CPEB1: variants seen among roughly 807,000 people sequenced by gnomAD.
The protein encoded by CPEB1 is cytoplasmic polyadenylation element binding protein 1, also known as cytoplasmic polyadenylation element-binding protein 1.
CPEB1 carries 7 observed loss-of-function variants against 65.8 expected under a neutral mutation model. The ratio of observed to expected loss-of-function variants is 0.11; its 90% confidence interval spans 0.06 to 0.20. The LOEUF is 0.20. Ranked by LOEUF, CPEB1 falls within the 10% of genes least tolerant of loss-of-function variation. CPEB1 has a pLI of 1.00. For synonymous variants in CPEB1, 262 were observed against 260.0 expected (o/e 1.01, Z -0.08); for missense variants, 551 against 712.2 (o/e 0.77, Z 2.58).
intron 3 of CPEB1, among the ~76,000 whole-genome samples, chr15:82,589,361 T>C (rs1027582342): frequency 1.3e-5 from 2 of 152,224 alleles, no homozygotes; most frequent in Non-Finnish European, 2.9e-5. Context: ...CAATTGTATG[T>C]GGGGCGGCAA....
intron 4 of CPEB1, among the ~76,000 whole-genome samples, chr15:82,564,274 T>A (rs2038742399): frequency 6.8e-6 from 1 of 148,134 alleles, no homozygotes; most frequent in Admixed American, 6.7e-5. Flanking sequence ...ACACAATGGT[T>A]TTTTTTGTTT....
chr15:82,615,696 A>T (rs1164182759), intron 3 of CPEB1, among the ~76,000 whole-genome samples: 1 of 152,204 alleles, frequency 6.6e-6, no homozygotes, highest in Non-Finnish European at 1.5e-5. Flanking sequence ...GAAGTATGAC[A>T]ACATCTAGAG....
chr15:82,581,677 A>T (rs1323301001), intron 3 of CPEB1, among the ~76,000 whole-genome samples: 1 of 152,104 alleles, frequency 6.6e-6, no homozygotes, highest in Non-Finnish European at 1.5e-5. Context: ...CATTTTTTTT[A>T]AAAATTAGGT....
intron 3 of CPEB1, among the ~76,000 whole-genome samples, chr15:82,593,227 A>T (rs1298451718): frequency 6.6e-6 from 1 of 152,164 alleles, no homozygotes; most frequent in Non-Finnish European, 1.5e-5. Flanking sequence ...GTTTGATAAC[A>T]TTTTACCTAC....
chr15:82,547,457 C>G (rs577671702), intron 10 of CPEB1, among the ~76,000 whole-genome samples: 93 of 150,804 alleles, frequency 6.2e-4, no homozygotes, highest in African/African-American at 2.2e-3. Flanking sequence ...CCACCACACC[C>G]AGCTAATTTT....
chr15:82,571,883 C>A, intron 3 of CPEB1: 1 of 1,046,978 alleles, frequency 9.6e-7, no homozygotes. Flanking sequence ...CAGGAGGGGA[C>A]GACAGGGAGG....
intron 4 of CPEB1, among the ~76,000 whole-genome samples, chr15:82,565,270 GGAAAGCAGCAAAGACAATGGAAA>G (rs2038935715): frequency 6.6e-6 from 1 of 152,134 alleles, no homozygotes; most frequent in South Asian, 2.1e-4. Context: ...ATCAAAGGAA[GGAAAGCAGCAAAGACAATGGAAA>G]GAAAGCAGCA....
intron 12 of CPEB1, among the ~76,000 whole-genome samples, chr15:82,545,285 G>A (rs1337191915): frequency 1.3e-5 from 2 of 152,138 alleles, no homozygotes; most frequent in Admixed American, 6.5e-5. Context: ...GAGATACTTG[G>A]TCTCAGGCTT....
chr15:82,620,910 T>C (rs1287911584), intron 3 of CPEB1, among the ~76,000 whole-genome samples: 1 of 152,224 alleles, frequency 6.6e-6, no homozygotes, highest in Non-Finnish European at 1.5e-5. Context: ...TGTGACTAGT[T>C]ATACAAGATG....
At chr15:82,599,969 A>C (rs1237613698) in intron 3 of CPEB1, among the ~76,000 whole-genome samples, 1 of 152,222 alleles carries the variant, frequency 6.6e-6, no homozygotes, top group Non-Finnish European at 1.5e-5. Context: ...AAGTAGAATA[A>C]ATATTTAATT....
chr15:82,571,985 C>G (rs1340363751), intron 3 of CPEB1: 1 of 386,938 alleles, frequency 2.6e-6, no homozygotes, highest in East Asian at 1.6e-4. Context: ...CAGCGCCCTC[C>G]GGTCTCCAGC....
At chr15:82,580,798 C>T (rs928697542) in intron 3 of CPEB1, among the ~76,000 whole-genome samples, 1 of 151,316 alleles carries the variant, frequency 6.6e-6, no homozygotes, top group East Asian at 1.9e-4. Context: ...GCTTATTTTA[C>T]TTAGCATAAT....
chr15:82,628,117 G>GA (rs2045926450), intron 2 of CPEB1: 1 of 679,494 alleles, frequency 1.5e-6, no homozygotes, highest in Non-Finnish European at 2.6e-6. Context: ...AGAAGGTCAT[G>GA]AAAGTCTAGA....
At chr15:82,611,312 A>C (rs2044131412) in intron 3 of CPEB1, among the ~76,000 whole-genome samples, 1 of 151,988 alleles carries the variant, frequency 6.6e-6, no homozygotes, top group African/African-American at 2.4e-5. Flanking sequence ...TGAAAATAAA[A>C]TTAACAGTTT....
chr15:82,614,479 C>T (rs1423606425), intron 3 of CPEB1, among the ~76,000 whole-genome samples: 1 of 152,140 alleles, frequency 6.6e-6, no homozygotes, highest in Non-Finnish European at 1.5e-5. Flanking sequence ...TAAGTAATCA[C>T]TAAAAATTAC....
rs192730427 is a variant in CPEB1 at position 82,629,448 on chromosome 15, C to A, written c.-97-892G>T. 8 of 969,646 alleles carry A rather than the reference C, an allele frequency of 8.3e-6. No homozygotes were observed. The African/African-American group carries it at 1.4e-4, about 17-fold the overall frequency. 60.1% of individuals were successfully genotyped at this position (969,646 alleles called of 1,614,324 possible). ...ACATTACCGAATGAAAAAAGAACTCCTATATATATATATAAAAAATCATGA... is the reference window on the plus strand; with the variant it reads ...ACATTACCGAATGAAAAAAGAACTCATATATATATATATAAAAAATCATGA... On this transcript the variant is annotated intron_variant, in intron 1 of 12. Transcript: ENST00000684509.
chr15:82,570,916 C>G (rs2039932191), intron 4 of CPEB1, among the ~76,000 whole-genome samples: 1 of 152,184 alleles, frequency 6.6e-6, no homozygotes, highest in Non-Finnish European at 1.5e-5. Context: ...ATATAACTCC[C>G]TGGTTTTTAA....
At chr15:82,587,925 TTTTG>T (rs1429701251) in intron 3 of CPEB1, among the ~76,000 whole-genome samples, 1 of 111,178 alleles carries the variant, frequency 9.0e-6, no homozygotes, top group Middle Eastern at 4.5e-3. Context: ...TTTGTTTTGT[TTTTG>T]TTTTTGTTTT....
At chr15:82,618,121 G>A (rs2044931320) in intron 3 of CPEB1, among the ~76,000 whole-genome samples, 1 of 151,628 alleles carries the variant, frequency 6.6e-6, no homozygotes, top group Non-Finnish European at 1.5e-5. Flanking sequence ...GAACCACTGG[G>A]TCTTATGGTA....
Sources: gnomAD v4.1 joint callset for allele counts (sites outside exome capture counted in the v4.1 genomes callset) on GRCh38, gnomAD v4.1.1 for gene constraint, MANE v1.5 for transcripts, NCBI Gene and HGNC (gene_info 2026-07-23, HGNC 2026-07-21) for gene names.